Variants in RELN observed in about 807,000 individuals in gnomAD.
RELN encodes reelin.
A neutral mutation model predicts 427.6 loss-of-function variants in RELN; 108 were observed. That is an observed-to-expected ratio of 0.25 (90% confidence interval 0.22 to 0.30). RELN has a LOEUF of 0.30. RELN is among the 10% of genes least tolerant of loss of function. The probability of loss-of-function intolerance (pLI) is 1.00; values close to 1 mark genes in which losing one functional copy is unlikely to be tolerated. For missense variants in RELN, 3,715 were observed against 4,302.8 expected (o/e 0.86, Z 3.82); for synonymous variants, 1,524 against 1,513.4 (o/e 1.01, Z -0.16).
At chr7:103,486,553 CAAAAA>C (rs1210570296) in intron 60 of RELN, 137 bp from the exon 61 acceptor site, 3 of 452,698 alleles carry the variant, frequency 6.6e-6, no homozygotes, top group African/African-American at 5.4e-5. Context: ...AACAACTTTA[CAAAAA>C]AAAAAAAGCC....
chr7:103,473,089 C>T, intron 64 of RELN, 181 bp from the exon 65 acceptor site: 1 of 709,086 alleles, frequency 1.4e-6, no homozygotes, highest in Non-Finnish European at 2.6e-6. Context: ...AGGCTGGGAC[C>T]TATACTCACT....
intron 49 of RELN, among the ~76,000 whole-genome samples, chr7:103,516,768 G>T (rs1004562778): frequency 6.6e-6 from 1 of 151,990 alleles, no homozygotes; most frequent in Non-Finnish European, 1.5e-5. Flanking sequence ...ACATTAAAGA[G>T]ATTTCATTAT....
At chr7:103,729,653 C>T (rs1335059805) in intron 6 of RELN, among the ~76,000 whole-genome samples, 9 of 152,124 alleles carry the variant, frequency 5.9e-5, no homozygotes, top group Non-Finnish European at 8.8e-5. Context: ...GCAGTAGCTT[C>T]GTAAGGACAA....
rs774330477 is a variant in RELN at position 103,833,655 on chromosome 7, G to C, written c.355C>G (p.Gln119Glu). ...AFGFGIMSDH[Q>E]FGNQFMCSVV... The stretch of plus-strand genomic sequence containing the variant: ...CTGCACATAAACTGGTTACCAAACT[G>C]GTGGTCAGACATGATCCCTAAGAGA... Residue 119 changes from glutamine (Q) to glutamate (E), a missense_variant, in exon 3 of 65, where the codon CAG (glutamine) becomes GAG (glutamate). Physicochemically the swap from Gln to Glu is conservative, Grantham distance 29 (BLOSUM62 2). This residue lies in a region of RELN where 2,208 missense variants were observed against 2,361.7 expected (regional missense o/e 0.93). Transcript: ENST00000428762. The C allele has an allele frequency of 6.2e-7, 1 of 1,613,760 alleles. No individual in the cohort carries two copies. The highest frequency in any genetic ancestry group is 1.7e-5 in the Admixed American group (1 of 59,978).
intron 2 of RELN, among the ~76,000 whole-genome samples, chr7:103,901,142 C>A (rs76058699): frequency 0.11 from 16,727 of 151,874 alleles, 1,147 homozygotes; most frequent in East Asian, 0.27. Flanking sequence ...GGTCAATAAG[C>A]ACATAAAAAT....
intron 3 of RELN, among the ~76,000 whole-genome samples, chr7:103,829,667 ATT>A (rs1793228182): frequency 6.6e-6 from 1 of 151,870 alleles, no homozygotes. Flanking sequence ...TCACTTGATT[ATT>A]TTTAACAAGA....
At chr7:103,617,972 CCTT>C (rs1832123126) in intron 20 of RELN, among the ~76,000 whole-genome samples, 1 of 152,268 alleles carries the variant, frequency 6.6e-6, no homozygotes, top group East Asian at 1.9e-4. Flanking sequence ...CTCCCCTTCT[CCTT>C]CTGCCAGGAG....
chr7:103,954,980 C>T (rs1796404432), intron 1 of RELN, among the ~76,000 whole-genome samples: 1 of 152,190 alleles, frequency 6.6e-6, no homozygotes, highest in Non-Finnish European at 1.5e-5. Flanking sequence ...AACGGCCATC[C>T]TTGGCTTTAA....
intron 8 of RELN, among the ~76,000 whole-genome samples, chr7:103,705,711 CT>C (rs1480942856): frequency 5.9e-5 from 9 of 152,108 alleles, no homozygotes; most frequent in Non-Finnish European, 1.0e-4. Flanking sequence ...ACAATTTGAG[CT>C]TTGACACTTC....
chr7:103,504,884 T>C (rs1275383881), intron 51 of RELN, among the ~76,000 whole-genome samples: 1 of 152,012 alleles, frequency 6.6e-6, no homozygotes, highest in Non-Finnish European at 1.5e-5. Context: ...TGCTCGAGCT[T>C]GGTTTGGGGA....
At chr7:103,821,978 G>A (rs1370503358) in intron 3 of RELN, among the ~76,000 whole-genome samples, 2 of 151,946 alleles carry the variant, frequency 1.3e-5, no homozygotes, top group African/African-American at 4.8e-5. Context: ...TCATCAATGT[G>A]GATAACCAAA....
chr7:103,483,262 C>G (rs191673888), intron 62 of RELN, among the ~76,000 whole-genome samples: 1 of 152,286 alleles, frequency 6.6e-6, no homozygotes, highest in African/African-American at 2.4e-5. Flanking sequence ...AGACACTGTG[C>G]TAGAAGCTGG....
chr7:103,676,045 A>T (rs971467944), intron 11 of RELN, among the ~76,000 whole-genome samples: 14 of 152,196 alleles, frequency 9.2e-5, no homozygotes, highest in Non-Finnish European at 1.3e-4. Flanking sequence ...AATGGGATCT[A>T]ATTAAACTAA....
At chr7:103,915,686 G>C (rs1795468858) in intron 2 of RELN, among the ~76,000 whole-genome samples, 1 of 151,862 alleles carries the variant, frequency 6.6e-6, no homozygotes, top group South Asian at 2.1e-4. Flanking sequence ...GTTTTAATTG[G>C]ACTAGGCTGG....
At chr7:103,863,619 A>T (rs1194696641) in intron 2 of RELN, among the ~76,000 whole-genome samples, 2 of 152,124 alleles carry the variant, frequency 1.3e-5, no homozygotes, top group Non-Finnish European at 2.9e-5. Flanking sequence ...AGAATTTTAT[A>T]AAAAGCTTTG....
chr7:103,730,844 T>C (rs1790335663), intron 6 of RELN, among the ~76,000 whole-genome samples: 1 of 152,110 alleles, frequency 6.6e-6, no homozygotes, highest in African/African-American at 2.4e-5. Context: ...CCCATCCCTC[T>C]AGGAGGTCAA....
chr7:103,593,622 T>C (rs534232009), intron 27 of RELN, 60 bp downstream of exon 27: 61 of 1,405,146 alleles, frequency 4.3e-5, no homozygotes, highest in Admixed American at 2.3e-4. Context: ...GTTCCACTTA[T>C]ACATCTGGAA....
chr7:103,811,774 T>C (rs1388509343), intron 3 of RELN, among the ~76,000 whole-genome samples: 1 of 152,174 alleles, frequency 6.6e-6, no homozygotes, highest in Non-Finnish European at 1.5e-5. Context: ...TCCTTATGGA[T>C]TTCCCTTGGC....
intron 20 of RELN, among the ~76,000 whole-genome samples, chr7:103,619,869 T>C (rs1159805863): frequency 6.6e-6 from 1 of 151,968 alleles, no homozygotes; most frequent in Non-Finnish European, 1.5e-5. Flanking sequence ...TGTGTGTATA[T>C]GTGTGTTTGT....
Sources: allele counts gnomAD v4.1 joint callset (sites outside exome capture counted in the v4.1 genomes callset), GRCh38; gene constraint gnomAD v4.1.1; regional missense constraint gnomAD v4.1.1; transcripts MANE v1.5; gene names NCBI Gene and HGNC (gene_info 2026-07-23, HGNC 2026-07-21).